The following PUDP variants were observed in gnomAD, a reference collection of about 807,000 sequenced individuals.
PUDP encodes the protein pseudouridine 5'-phosphatase.
Under a neutral mutation model 9.4 loss-of-function variants are expected in PUDP, and 8 were observed. The ratio of observed to expected loss-of-function variants is 0.85; its 90% CI spans 0.50 to 1.53. PUDP has a LOEUF of 1.53. Ranked by LOEUF, PUDP falls within the 40% of genes most tolerant of loss-of-function variation. The pLI, the probability that PUDP is intolerant of heterozygous loss-of-function variation, is 0.00. For missense variants in PUDP, 188 were observed against 189.7 expected, an observed-to-expected ratio of 0.99 and a Z score of 0.05; for synonymous variants, 99 against 80.7, an observed-to-expected ratio of 1.23 and a Z score of -1.22.
chrX:7,129,993 C>A (rs1450207546), intron 1 of PUDP, among the ~76,000 whole-genome samples: 1 of 111,702 alleles, frequency 9.0e-6, no homozygotes, highest in African/African-American at 3.3e-5. Flanking sequence ...CGGCATGGTG[C>A]GTGGAGTCCA....
intron 3 of PUDP, among the ~76,000 whole-genome samples, chrX:6,903,722 C>T (rs749688437): frequency 6.4e-5 from 7 of 110,184 alleles, no homozygotes; most frequent in Admixed American, 2.0e-4. Context: ...CTCACTTATA[C>T]GTAGAAGCTA....
At chrX:7,112,355 G>T (rs949562665) in intron 1 of PUDP, among the ~76,000 whole-genome samples, 4 of 111,784 alleles carry the variant, frequency 3.6e-5, no homozygotes, top group Non-Finnish European at 5.6e-5. Context: ...AATACATCTG[G>T]CTCCATAGAT....
At chrX:6,950,610 C>T (rs765981972) in intron 3 of PUDP, among the ~76,000 whole-genome samples, 56 of 106,908 alleles carry the variant, frequency 5.2e-4, no homozygotes, top group African/African-American at 1.8e-3. Context: ...CAGGGTTTCA[C>T]CATGTTAGCC....
intron 3 of PUDP, among the ~76,000 whole-genome samples, chrX:7,053,539 C>T (rs1269844770): frequency 8.9e-6 from 1 of 111,850 alleles, no homozygotes; most frequent in Non-Finnish European, 1.9e-5. Flanking sequence ...GGGGAAACCC[C>T]TTTCGCTTGG....
intron 3 of PUDP, among the ~76,000 whole-genome samples, chrX:6,930,774 T>C (rs1474462031): frequency 9.0e-6 from 1 of 111,069 alleles, no homozygotes; most frequent in Non-Finnish European, 1.9e-5. Context: ...TCTTGGGGTC[T>C]GAATTGGGAG....
chrX:6,969,709 T>G (rs1476964803), intron 3 of PUDP, among the ~76,000 whole-genome samples: 2 of 111,514 alleles, frequency 1.8e-5, no homozygotes, highest in Non-Finnish European at 1.9e-5. Context: ...AGATCCAGTG[T>G]TGACAAGAAA....
At chrX:6,847,325 C>A (rs1169756708) in intron 3 of PUDP, among the ~76,000 whole-genome samples, 1 of 82,967 alleles carries the variant, frequency 1.2e-5, no homozygotes, top group East Asian at 4.5e-4. Flanking sequence ...AGTACCCACC[C>A]CCAAAAAAAG....
chrX:7,088,021 T>C (rs1467807124), intron 2 of PUDP, among the ~76,000 whole-genome samples: 1 of 112,185 alleles, frequency 8.9e-6, no homozygotes, highest in African/African-American at 3.2e-5. Flanking sequence ...AGCAGAATTT[T>C]AGATTAAAAT....
In PUDP at chrX:6,924,887, T is replaced by C. The variant is rs920097205; in HGVS notation, c.*247+52246A>G. 8.9e-5 allele frequency among the ~76,000 whole-genome samples: 10 copies of C among 112,839 alleles called. No homozygotes were observed. In the South Asian group the frequency reaches 1.5e-3, roughly 17 times the overall value. ...GCATTATACTCATTTGGCCCAATTA[T>C]TGGGATTTGGCTATGCGCATCTCAG... On this transcript the variant is annotated intron_variant and NMD_transcript_variant, in intron 3 of 3. Coordinates refer to the PUDP transcript ENST00000655425.
intron 3 of PUDP, among the ~76,000 whole-genome samples, chrX:6,801,811 C>T (rs1268201133): frequency 2.7e-5 from 3 of 111,870 alleles, no homozygotes; most frequent in Non-Finnish European, 5.6e-5. Context: ...AAGGTACGCC[C>T]TGTTAGTAGG....
intron 3 of PUDP, among the ~76,000 whole-genome samples, chrX:6,969,260 G>C (rs1029653313): frequency 2.1e-4 from 23 of 111,918 alleles, no homozygotes; most frequent in African/African-American, 6.2e-4. Context: ...AATAGTCATG[G>C]GCCGGCATTT....
At chrX:7,027,716 T>C (rs1444016436) in intron 1 of PUDP, among the ~76,000 whole-genome samples, 1 of 99,781 alleles carries the variant, frequency 1.0e-5, no homozygotes, top group Middle Eastern at 6.0e-3. Context: ...TTATTCTATT[T>C]ATATAGACTA....
Position 7,060,119 on chromosome X carries a change from G to A in PUDP, c.511-9647C>T, listed in dbSNP as rs77521768. ...ACTGACACCCGTTGTGCATGGCCCA[G>A]CAACCTACTCAACAGGGGATGAGAG... On this transcript the variant is annotated intron_variant, in intron 3 of 3. Transcript: ENST00000381077. Among the ~76,000 whole-genome samples, 3 of 111,719 alleles carry A rather than the reference G, an allele frequency of 2.7e-5. 1 individual carries two copies. The highest frequency in any genetic ancestry group is 9.8e-5 in the African/African-American group (3 of 30,710).
At chrX:6,733,837 A>G in intron 3 of PUDP, among the ~76,000 whole-genome samples, 1 of 85,504 alleles carries the variant, frequency 1.2e-5, no homozygotes, top group Non-Finnish European at 2.1e-5. Flanking sequence ...GAGTGCAGTG[A>G]CAGGATCTCG....
intron 3 of PUDP, among the ~76,000 whole-genome samples, chrX:6,829,501 A>G (rs1173915883): frequency 8.9e-6 from 1 of 111,945 alleles, no homozygotes; most frequent in Non-Finnish European, 1.9e-5. Context: ...CCATCAATGA[A>G]TGAAAGTTCC....
At chrX:6,754,054 C>A (rs1236072491) in intron 3 of PUDP, among the ~76,000 whole-genome samples, 1 of 111,839 alleles carries the variant, frequency 8.9e-6, no homozygotes, top group Non-Finnish European at 1.9e-5. Flanking sequence ...CCTTGCCTAA[C>A]CCAATGTCTA....
chrX:6,828,408 T>A (rs1926456470), intron 3 of PUDP, among the ~76,000 whole-genome samples: 1 of 110,677 alleles, frequency 9.0e-6, no homozygotes, highest in African/African-American at 3.3e-5. Context: ...TAGAAAACTT[T>A]TAGATTCACA....
At chrX:7,067,725 C>T (rs138187078) in intron 3 of PUDP, among the ~76,000 whole-genome samples, 4 of 111,206 alleles carry the variant, frequency 3.6e-5, no homozygotes, top group Admixed American at 1.9e-4. Context: ...GGGAACACCA[C>T]GGGAAAAGAA....
At chrX:6,748,431 C>T (rs1209335882) in intron 3 of PUDP, among the ~76,000 whole-genome samples, 1 of 111,773 alleles carries the variant, frequency 8.9e-6, no homozygotes, top group East Asian at 2.8e-4. Context: ...AAATACGGTG[C>T]AGGCAGCATT....
Sources: gnomAD v4.1 joint callset for allele counts (sites outside exome capture counted in the v4.1 genomes callset) on GRCh38, gnomAD v4.1.1 for gene constraint, MANE v1.5 for transcripts, NCBI Gene and HGNC (gene_info 2026-07-23, HGNC 2026-07-21) for gene names.